PRUNE1: variants seen among roughly 807,000 people sequenced by gnomAD.
The protein encoded by PRUNE1 is prune exopolyphosphatase 1.
PRUNE1 carries 25 observed loss-of-function variants against 42.5 expected under a neutral mutation model. The observed-to-expected ratio is 0.59, with a 90% CI of 0.43 to 0.82. PRUNE1 has a LOEUF of 0.82. PRUNE1 is among the 40% of genes least tolerant of loss of function. The probability of loss-of-function intolerance (pLI) is 0.00; values close to 1 mark genes in which losing one functional copy is unlikely to be tolerated. For missense variants in PRUNE1, 443 were observed against 539.3 expected (o/e 0.82, Z 1.77); for synonymous variants, 203 against 217.1 (o/e 0.93, Z 0.57).
At position 151,034,257 on chromosome 1, in the gene PRUNE1, TG is replaced by T. The variant is rs1221140908; in HGVS notation, c.*26del. 6.3e-7 allele frequency: 1 copy of T among 1,592,024 alleles called. No individual in the cohort carries two copies. The highest frequency in any genetic ancestry group is 8.6e-7 in the Non-Finnish European group (1 of 1,165,018). On this transcript the variant is annotated 3_prime_UTR_variant, in exon 8 of 8. Transcript: ENST00000271620. The stretch of plus-strand genomic sequence containing the variant: ...TGACTGTTGAGAGGCGAGGAGGTAG[TG>T]GGTGAGGCTACCTGACTCACTTCAA...
intron 1 of PRUNE1, among the ~76,000 whole-genome samples, chr1:151,011,944 A>T (rs1199464656): frequency 6.6e-6 from 1 of 151,984 alleles, no homozygotes; most frequent in African/African-American, 2.4e-5. Context: ...ATGCCCAGCT[A>T]ATTTTTGTAT....
At chr1:151,016,702 A>G (rs924123122) in intron 1 of PRUNE1, among the ~76,000 whole-genome samples, 4 of 151,308 alleles carry the variant, frequency 2.6e-5, no homozygotes, top group Admixed American at 6.6e-5. Flanking sequence ...GGGTTTCATC[A>G]TATTGGTTAG....
chr1:151,018,160 C>T (rs111944052), intron 2 of PRUNE1, among the ~76,000 whole-genome samples: 4 of 151,974 alleles, frequency 2.6e-5, no homozygotes, highest in Non-Finnish European at 4.4e-5. Context: ...TACTGAGTTC[C>T]GTATAGGTAT....
intron 1 of PRUNE1, among the ~76,000 whole-genome samples, chr1:151,017,119 A>G (rs587741977): frequency 2.4e-4 from 36 of 151,646 alleles, no homozygotes; most frequent in East Asian, 1.2e-3. Flanking sequence ...AAGTATAAGC[A>G]TTCTTTTACC....
Position 151,034,154 on chromosome 1 carries a change from C to G in PRUNE1, c.1282C>G (p.Leu428Val). ...CCCTCTAGATCAGGGGCTGCCTAAA[C>G]TCTCTGCTGAGGCCGTCTTCGAGAA... The part of the protein sequence containing the change: ...ECPLDQGLPK[L>V]SAEAVFEKCS... Residue 428 changes from leucine (L) to valine (V), a missense_variant, in exon 8 of 8, where the codon CTC becomes GTC. Transcript: ENST00000271620. 1 of 1,614,184 alleles carries G rather than the reference C, an allele frequency of 6.2e-7. No individual in the cohort carries two copies. Among genetic ancestry groups the G allele is most frequent in the Non-Finnish European group, 8.5e-7 (1 of 1,180,032 alleles).
chr1:151,020,708 G>A (rs587760235), intron 3 of PRUNE1, among the ~76,000 whole-genome samples: 12 of 152,262 alleles, frequency 7.9e-5, no homozygotes, highest in South Asian at 2.1e-4. Context: ...CAGGCCAGGC[G>A]CGGTGGCTCA....
At chr1:151,027,669 C>T (rs1193797584) in intron 6 of PRUNE1, among the ~76,000 whole-genome samples, 1 of 150,032 alleles carries the variant, frequency 6.7e-6, no homozygotes, top group Non-Finnish European at 1.5e-5. Context: ...GCAGCCTCAA[C>T]CTTCCAGGCT....
chr1:151,033,697 C>A, intron 7 of PRUNE1, 109 bp from the exon 8 acceptor site: 1 of 1,170,252 alleles, frequency 8.5e-7, no homozygotes, highest in East Asian at 2.4e-5. Context: ...GCCCGGCCGA[C>A]TTACTTTTTA....
chr1:151,018,344 T>G, intron 2 of PRUNE1, 123 bp from the exon 3 acceptor site: 1 of 847,630 alleles, frequency 1.2e-6, no homozygotes. Context: ...ATAGACTGGG[T>G]ACTTATGGCT....
intron 1 of PRUNE1, among the ~76,000 whole-genome samples, chr1:151,014,452 A>G (rs1302866550): frequency 2.0e-5 from 3 of 152,116 alleles, no homozygotes. Flanking sequence ...ACAAAAACCT[A>G]TCTCGTAACT....
chr1:151,034,089 C>T lies in PRUNE1; in HGVS notation c.1217C>T (p.Pro406Leu), dbSNP rs779440442. ...SGLSQDEEDP[P>L]LPPTPMNSLV... is the part of the protein sequence containing the mutation. ...CTGAGTCAAGATGAGGAGGACCCTC[C>T]GCTGCCCCCGACGCCCATGAACAGC... Residue 406 changes from proline (P) to leucine (L), a missense_variant, in exon 8 of 8, where the codon CCG becomes CTG. Coordinates refer to ENST00000271620, the MANE Select transcript of PRUNE1 (RefSeq NM_021222.3). The T allele has an allele frequency of 1.3e-5, 21 of 1,614,158 alleles. No individual in the cohort carries two copies. The highest frequency in any genetic ancestry group is 1.6e-4 in the Middle Eastern group (1 of 6,062).
At chr1:151,027,413 T>G in intron 6 of PRUNE1, 86 bp downstream of exon 6, 7 of 926,618 alleles carry the variant, frequency 7.6e-6, no homozygotes, top group Non-Finnish European at 1.2e-5. Flanking sequence ...CATTCCTGGC[T>G]CACCTCCAAA....
At chr1:151,026,303 G>A (rs1047731995) in intron 5 of PRUNE1, among the ~76,000 whole-genome samples, 7 of 151,550 alleles carry the variant, frequency 4.6e-5, no homozygotes, top group Non-Finnish European at 8.8e-5. Flanking sequence ...CTAAAAATAC[G>A]AAAAATTAGC....
rs587702365 is a variant in PRUNE1, at chr1:151,034,745, C to G, written c.*511C>G. Reference sequence around the variant, plus strand: ...TTCAGCCTACAGCAGATTATCAGCTCGGTGACTTTTCTTTCTGCCACCATT... The same window carrying G: ...TTCAGCCTACAGCAGATTATCAGCTGGGTGACTTTTCTTTCTGCCACCATT... On this transcript the variant is annotated 3_prime_UTR_variant, in exon 8 of 8. Coordinates refer to ENST00000271620, the MANE Select transcript of PRUNE1 (RefSeq NM_021222.3). The G allele has an allele frequency of 6.3e-6, 1 of 158,544 alleles. No individual in the cohort carries two copies. The highest frequency in any genetic ancestry group is 1.8e-4 in the East Asian group (1 of 5,416). 9.8% of individuals were successfully genotyped at this position (158,544 alleles called of 1,614,324 possible).
chr1:151,024,419 C>T (rs587610624), intron 3 of PRUNE1, among the ~76,000 whole-genome samples, 192 bp from the exon 4 acceptor site: 2 of 151,938 alleles, frequency 1.3e-5, no homozygotes, highest in African/African-American at 4.8e-5. Flanking sequence ...CGCTTGAACC[C>T]GAGATGCAAA....
intron 3 of PRUNE1, among the ~76,000 whole-genome samples, chr1:151,021,062 G>A (rs1443428408): frequency 2.7e-5 from 4 of 149,518 alleles, no homozygotes; most frequent in South Asian, 2.1e-4. Flanking sequence ...CAGGAGAATC[G>A]CTTGAACCTA....
chr1:151,030,565 A>G (rs960018390), intron 7 of PRUNE1, among the ~76,000 whole-genome samples: 3 of 152,034 alleles, frequency 2.0e-5, no homozygotes, highest in African/African-American at 7.2e-5. Flanking sequence ...ATCTTGGCTC[A>G]CTGCAACCGC....
chr1:151,024,870 A>C, intron 4 of PRUNE1, 75 bp downstream of exon 4: 1 of 1,455,228 alleles, frequency 6.9e-7, no homozygotes, highest in Non-Finnish European at 9.3e-7. Context: ...AAAAGTCTAG[A>C]CGCTTCCAGC....
At chr1:151,030,935 C>T (rs201783331) in intron 7 of PRUNE1, among the ~76,000 whole-genome samples, 3 of 152,266 alleles carry the variant, frequency 2.0e-5, no homozygotes, top group East Asian at 1.9e-4. Context: ...GATCATTAAA[C>T]GTAATATCAT....
Sources: gnomAD v4.1 joint callset for allele counts (sites outside exome capture counted in the v4.1 genomes callset) on GRCh38, gnomAD v4.1.1 for gene constraint, MANE v1.5 for transcripts, NCBI Gene and HGNC (gene_info 2026-07-23, HGNC 2026-07-21) for gene names.